The following FBXO11 variants were observed in gnomAD, a reference collection of about 807,000 sequenced individuals.
FBXO11 encodes F-box only protein 11.
FBXO11 carries 13 observed loss-of-function variants against 117.0 expected under a neutral mutation model. The ratio of observed to expected loss-of-function variants is 0.11; its 90% CI spans 0.07 to 0.18. FBXO11 has a LOEUF of 0.18. Ranked by LOEUF, FBXO11 falls within the 10% of genes least tolerant of loss-of-function variation. The pLI is 1.00. For synonymous variants in FBXO11, 490 were observed against 380.5 expected, an observed-to-expected ratio of 1.29 and a Z score of -3.35; for missense variants, 767 against 1,164.4, an observed-to-expected ratio of 0.66 and a Z score of 4.97.
chr2:47,863,491 T>C (rs573254129), intron 1 of FBXO11, among the ~76,000 whole-genome samples: 2 of 152,288 alleles, frequency 1.3e-5, no homozygotes, highest in Non-Finnish European at 2.9e-5. Flanking sequence ...AACTCTTCTT[T>C]AAAGAAAGGG....
At chr2:47,890,614 G>C (rs899533285) in intron 1 of FBXO11, among the ~76,000 whole-genome samples, 1 of 151,860 alleles carries the variant, frequency 6.6e-6, no homozygotes, top group Non-Finnish European at 1.5e-5. Context: ...GACCATCCTG[G>C]CCAACATGAC....
At chr2:47,813,059 T>C in intron 18 of FBXO11, 175 bp downstream of exon 18, 1 of 669,202 alleles carries the variant, frequency 1.5e-6, no homozygotes, top group Admixed American at 2.6e-5. Flanking sequence ...AAAAGTATTG[T>C]AAACATTTGT....
At chr2:47,809,548 ATCTT>A in intron 20 of FBXO11, 48 bp downstream of exon 20, 1 of 1,312,580 alleles carries the variant, frequency 7.6e-7, no homozygotes, top group Non-Finnish European at 1.1e-6. Flanking sequence ...GCTTCTGATT[ATCTT>A]TCATGGCATA....
chr2:47,901,064 T>TATATATACACACGTGTGTATATATATAC (rs1678225172), intron 1 of FBXO11, among the ~76,000 whole-genome samples: 1 of 125,842 alleles, frequency 7.9e-6, no homozygotes, highest in Non-Finnish European at 1.8e-5. Context: ...CATATATATG[T>TATATATACACACGTGTGTATATATATAC]ATATATATAC....
rs537930098 is a variant in FBXO11, at chr2:47,901,056, T to C, written c.232+4433A>G. 8.9e-5 allele frequency among the ~76,000 whole-genome samples: 11 copies of C among 124,012 alleles called. 1 individual carries two copies. The highest frequency in any genetic ancestry group is 2.5e-4 in the South Asian group (1 of 3,988). The allele number at this position is 124,012 out of a possible 152,430, so 81.4% of individuals were successfully genotyped here. Reference sequence around the variant, plus strand: ...ACACACGTGTGTACATATATACACATATATATGTATATATATACACACGTG... The same window carrying C: ...ACACACGTGTGTACATATATACACACATATATGTATATATATACACACGTG... On this transcript the variant is annotated intron_variant, in intron 1 of 22. Transcript: ENST00000403359.
chr2:47,818,144 G>A (rs1052412663), intron 16 of FBXO11, among the ~76,000 whole-genome samples: 3 of 152,148 alleles, frequency 2.0e-5, no homozygotes, highest in African/African-American at 7.2e-5. Flanking sequence ...ACTGATCAGA[G>A]ATCACCATAA....
At chr2:47,863,391 A>T (rs575113222) in intron 1 of FBXO11, among the ~76,000 whole-genome samples, 1 of 152,196 alleles carries the variant, frequency 6.6e-6, no homozygotes, top group Non-Finnish European at 1.5e-5. Context: ...AAGTGCTCTT[A>T]AACAGCTCGT....
chr2:47,811,876 G>T (rs1247106883), intron 18 of FBXO11, among the ~76,000 whole-genome samples: 1 of 152,188 alleles, frequency 6.6e-6, no homozygotes, highest in Non-Finnish European at 1.5e-5. Context: ...AGAGCAGCTG[G>T]AAGTACAGGT....
At chr2:47,841,383 C>G (rs1026161477) in intron 1 of FBXO11, among the ~76,000 whole-genome samples, 3 of 152,126 alleles carry the variant, frequency 2.0e-5, no homozygotes, top group Non-Finnish European at 4.4e-5. Context: ...TCTGCTATCT[C>G]TAATGAGTTA....
intron 1 of FBXO11, among the ~76,000 whole-genome samples, chr2:47,873,203 G>A (rs552840184): frequency 6.6e-6 from 1 of 152,166 alleles, no homozygotes; most frequent in Non-Finnish European, 1.5e-5. Context: ...TAAAGCACTG[G>A]GATGCTCAAC....
intron 16 of FBXO11, among the ~76,000 whole-genome samples, chr2:47,815,060 C>T (rs905021513): frequency 3.3e-5 from 5 of 152,168 alleles, no homozygotes; most frequent in East Asian, 1.9e-4. Flanking sequence ...ATTTCTACCA[C>T]GTCTGGAATT....
At chr2:47,826,660 A>C (rs1345137422) in intron 11 of FBXO11, among the ~76,000 whole-genome samples, 1 of 152,146 alleles carries the variant, frequency 6.6e-6, no homozygotes, top group Non-Finnish European at 1.5e-5. Flanking sequence ...GAGCCATAAA[A>C]TATGACTTCT....
intron 4 of FBXO11, among the ~76,000 whole-genome samples, chr2:47,838,364 CTCA>C (rs549046344): frequency 2.0e-5 from 3 of 151,738 alleles, no homozygotes; most frequent in Non-Finnish European, 2.9e-5. Flanking sequence ...TATAATTTTT[CTCA>C]TTATTAACTA....
intron 5 of FBXO11, 70 bp from the exon 6 acceptor site, chr2:47,834,941 T>C (rs768737612): frequency 9.2e-5 from 96 of 1,038,310 alleles, no homozygotes; most frequent in South Asian, 1.5e-4. Context: ...TAATGTACAA[T>C]TGCATGAACA....
chr2:47,836,522 C>A (rs1258856271), intron 4 of FBXO11, among the ~76,000 whole-genome samples: 2 of 152,058 alleles, frequency 1.3e-5, no homozygotes, highest in Non-Finnish European at 2.9e-5. Context: ...GCACATGTTA[C>A]CCAGGCTGGT....
chr2:47,828,414 C>A (rs1230961735), intron 11 of FBXO11, among the ~76,000 whole-genome samples: 1 of 152,096 alleles, frequency 6.6e-6, no homozygotes, highest in Non-Finnish European at 1.5e-5. Context: ...TCTAGACCAG[C>A]CTGGCCAACA....
chr2:47,856,497 GA>G (rs933282748), intron 1 of FBXO11, among the ~76,000 whole-genome samples: 37 of 152,182 alleles, frequency 2.4e-4, no homozygotes, highest in African/African-American at 8.2e-4. Flanking sequence ...AAATGTCCTT[GA>G]AAAAAAGTTA....
At chr2:47,898,399 A>G (rs112397860) in intron 1 of FBXO11, among the ~76,000 whole-genome samples, 2,022 of 152,354 alleles carry the variant, frequency 0.013, 25 homozygotes, top group Non-Finnish European at 0.021. Flanking sequence ...AAGAATATTT[A>G]GTCCACAAAC....
At chr2:47,872,053 C>G (rs1367276590) in intron 1 of FBXO11, among the ~76,000 whole-genome samples, 4 of 152,154 alleles carry the variant, frequency 2.6e-5, no homozygotes, top group South Asian at 2.1e-4. Context: ...GTTTCTTTCA[C>G]GTTTTCTTTT....
Sources: gnomAD v4.1 joint callset for allele counts (sites outside exome capture counted in the v4.1 genomes callset) on GRCh38, gnomAD v4.1.1 for gene constraint, MANE v1.5 for transcripts, NCBI Gene and HGNC (gene_info 2026-07-23, HGNC 2026-07-21) for gene names.